RAP1GAP2: variants seen among roughly 807,000 people sequenced by gnomAD.
RAP1GAP2 encodes the protein rap1 GTPase-activating protein 2.
A neutral mutation model predicts 95.0 loss-of-function variants in RAP1GAP2; 27 were observed. The observed-to-expected ratio is 0.28, with a 90% confidence interval of 0.21 to 0.39. The LOEUF is 0.39. RAP1GAP2 is among the 10% of genes least tolerant of loss of function. The pLI, the probability that RAP1GAP2 is intolerant of heterozygous loss-of-function variation, is 1.00. For missense variants in RAP1GAP2, 771 were observed against 970.0 expected (o/e 0.79, Z 2.72); for synonymous variants, 373 against 380.9 (o/e 0.98, Z 0.24).
At chr17:2,935,335 C>A (rs1373675478) in intron 3 of RAP1GAP2, among the ~76,000 whole-genome samples, 1 of 152,154 alleles carries the variant, frequency 6.6e-6, no homozygotes, top group Non-Finnish European at 1.5e-5. Flanking sequence ...TGGTGAAACC[C>A]CATCTCTACT....
chr17:2,780,198 G>C (rs1460373589), intron 1 of RAP1GAP2, among the ~76,000 whole-genome samples: 2 of 152,184 alleles, frequency 1.3e-5, no homozygotes, highest in Non-Finnish European at 2.9e-5. Flanking sequence ...TTACAGGCGT[G>C]CGCCACCACG....
upstream of RAP1GAP2, among the ~76,000 whole-genome samples, chr17:2,792,588 G>T (rs1031123708): frequency 6.6e-6 from 1 of 152,204 alleles, no homozygotes; most frequent in East Asian, 1.9e-4. Flanking sequence ...GTCTGGGGAC[G>T]TGTGGGCCCC....
chr17:2,947,712 G>A (rs996124076), intron 3 of RAP1GAP2, among the ~76,000 whole-genome samples: 7 of 151,964 alleles, frequency 4.6e-5, no homozygotes, highest in South Asian at 2.1e-4. Context: ...CTTCTGGACC[G>A]GTAGCGGAGT....
rs2072781331 is a variant in RAP1GAP2 at position 2,870,106 on chromosome 17, G to GAA, written c.81-35178_81-35177insAA. ...CCTTCCTCAGAGTGCACTCTGTGCT[G>GAA]CTGCTTGACAATCTTTTTTTTTTTT... On this transcript the variant is annotated intron_variant, in intron 2 of 24. Transcript: ENST00000254695. The surrounding 1 kb of genome is among the most constrained non-coding windows in gnomAD (Gnocchi z 4.4). Among the ~76,000 whole-genome samples, 1 of 151,520 alleles carries GAA rather than the reference G, an allele frequency of 6.6e-6. No individual in the cohort carries two copies. The highest frequency in any genetic ancestry group is 2.0e-4 in the East Asian group (1 of 5,066).
Position 2,850,301 on chromosome 17 carries a change from G to A in RAP1GAP2, c.80+49751G>A, listed in dbSNP as rs569530708. ...AGGCGTGAGCCACTGCGCCTGGCCC[G>A]CCTGCTTTTTTAAGGAAGGTACTTC... On this transcript the variant is annotated intron_variant, in intron 2 of 24. Transcript: ENST00000254695. 1.4e-3 allele frequency among the ~76,000 whole-genome samples: 218 copies of A among 151,492 alleles called. 2 individuals carry two copies. The highest frequency in any genetic ancestry group is 2.5e-3 in the Non-Finnish European group (171 of 67,862).
chr17:2,881,730 T>G (rs8072316), intron 2 of RAP1GAP2, among the ~76,000 whole-genome samples: 67,192 of 152,096 alleles, frequency 0.44, 16,045 homozygotes, highest in Middle Eastern at 0.54. Flanking sequence ...ACAGTTTCTC[T>G]GCATTCTTGA....
intron 2 of RAP1GAP2, among the ~76,000 whole-genome samples, chr17:2,858,755 T>A (rs2072251654): frequency 6.6e-6 from 1 of 151,700 alleles, no homozygotes; most frequent in East Asian, 1.9e-4. Context: ...ACAAAAAAAA[T>A]AAAAAAACAT....
intron 4 of RAP1GAP2, among the ~76,000 whole-genome samples, chr17:2,961,836 A>G (rs916413702): frequency 6.6e-6 from 1 of 150,750 alleles, no homozygotes; most frequent in African/African-American, 2.4e-5. Context: ...CTCCGACACC[A>G]ACAGGCATGA....
At chr17:2,992,097 A>G (rs1008075835) in intron 12 of RAP1GAP2, among the ~76,000 whole-genome samples, 1 of 151,454 alleles carries the variant, frequency 6.6e-6, no homozygotes, top group African/African-American at 2.4e-5. Flanking sequence ...ATACACAAAG[A>G]ATGCATCATG....
At chr17:2,809,015 G>T (rs980046318) in intron 2 of RAP1GAP2, among the ~76,000 whole-genome samples, 1 of 152,204 alleles carries the variant, frequency 6.6e-6, no homozygotes, top group African/African-American at 2.4e-5. Context: ...CGCTTAGCCG[G>T]TGGTTGGCTT....
intron 2 of RAP1GAP2, among the ~76,000 whole-genome samples, chr17:2,804,804 G>A (rs1212495439): frequency 6.6e-6 from 1 of 152,158 alleles, no homozygotes; most frequent in Non-Finnish European, 1.5e-5. Context: ...GGAGAAGGAG[G>A]CTTGTGTGTG....
intron 3 of RAP1GAP2, among the ~76,000 whole-genome samples, chr17:2,920,016 T>C (rs1357792285): frequency 4.0e-5 from 6 of 149,086 alleles, no homozygotes; most frequent in Non-Finnish European, 9.0e-5. Flanking sequence ...TTTTCTTTTT[T>C]TTTTTTTTTT....
At chr17:2,836,564 G>A (rs1315573728) in intron 2 of RAP1GAP2, among the ~76,000 whole-genome samples, 7 of 152,110 alleles carry the variant, frequency 4.6e-5, no homozygotes, top group Admixed American at 1.3e-4. Context: ...CCTGGGAGGC[G>A]GAGGTTGCAG....
At chr17:2,968,236 A>C (rs1183871123) in intron 8 of RAP1GAP2, among the ~76,000 whole-genome samples, 1 of 152,188 alleles carries the variant, frequency 6.6e-6, no homozygotes, top group Non-Finnish European at 1.5e-5. Flanking sequence ...TAGGGAGATA[A>C]TAAAATAAAA....
intron 3 of RAP1GAP2, among the ~76,000 whole-genome samples, chr17:2,907,885 C>T (rs1199977277): frequency 6.6e-6 from 1 of 152,172 alleles, no homozygotes; most frequent in Non-Finnish European, 1.5e-5. Flanking sequence ...TGGCTCACTG[C>T]AACCTCCACC....
chr17:3,022,565 T>TAAA (rs904948424), intron 19 of RAP1GAP2, among the ~76,000 whole-genome samples: 42 of 152,356 alleles, frequency 2.8e-4, no homozygotes, highest in African/African-American at 1.0e-3. Context: ...TTCTTGCCCT[T>TAAA]AAAAAAATCA....
At chr17:2,803,407 G>T (rs543089782) in intron 2 of RAP1GAP2, among the ~76,000 whole-genome samples, 1 of 152,324 alleles carries the variant, frequency 6.6e-6, no homozygotes, top group South Asian at 2.1e-4. Context: ...AACTGAAGGG[G>T]AGGAAGCAAA....
At chr17:2,971,022 A>G (rs59845484) in intron 8 of RAP1GAP2, among the ~76,000 whole-genome samples, 2,824 of 152,266 alleles carry the variant, frequency 0.019, 105 homozygotes, top group African/African-American at 0.065. Flanking sequence ...GTGACAGAAC[A>G]AGACCCTGTT....
chr17:2,868,247 C>A (rs2072695465), intron 2 of RAP1GAP2, among the ~76,000 whole-genome samples: 1 of 152,196 alleles, frequency 6.6e-6, no homozygotes, highest in African/African-American at 2.4e-5. Context: ...AGGGCTGGCT[C>A]TCTGCTATCC....
Sources: gnomAD v4.1 joint callset for allele counts (sites outside exome capture counted in the v4.1 genomes callset) on GRCh38, gnomAD v4.1.1 for gene constraint, Gnocchi (gnomAD v3.1) non-coding constraint, MANE v1.5 for transcripts, NCBI Gene and HGNC (gene_info 2026-07-23, HGNC 2026-07-21) for gene names.